Variants in SLC44A3 observed in about 807,000 individuals in gnomAD.
SLC44A3 encodes choline transporter-like protein 3.
Under a neutral mutation model 75.4 loss-of-function variants are expected in SLC44A3, and 74 were observed. That is an observed-to-expected ratio of 0.98 (90% CI 0.81 to 1.19). The LOEUF (loss-of-function observed/expected upper bound fraction) is 1.19, where lower values mean the gene tolerates loss of function less well. Among genes scored for constraint, SLC44A3 ranks in the 50% most tolerant of loss-of-function variants. SLC44A3 has a pLI of 0.00. For missense variants in SLC44A3, 700 were observed against 778.6 expected (o/e 0.90, Z 1.20); for synonymous variants, 310 against 296.9 (o/e 1.04, Z -0.45).
At position 94,891,273 on chromosome 1, in the gene SLC44A3, A is replaced by T. The variant is rs756838767; in HGVS notation, c.1620+6A>T. On this transcript the variant is annotated splice_donor_region_variant and intron_variant, in intron 13 of 14. Transcript: ENST00000271227. ...TCATAATTTTTCTAGGAAAGGTGAG[A>T]TATCTTGACTAAATAAAGGAGCCTG... 8 of 1,600,270 alleles carry T rather than the reference A, an allele frequency of 5.0e-6. No homozygotes were observed. In the African/African-American group the frequency reaches 9.5e-5, roughly 19 times the overall value.
At chr1:94,823,564 C>T (rs548883288) in intron 2 of SLC44A3, among the ~76,000 whole-genome samples, 1 of 152,302 alleles carries the variant, frequency 6.6e-6, no homozygotes, top group South Asian at 2.1e-4. Context: ...CAAGAACACA[C>T]TGGGCACTTG....
At chr1:94,842,402 G>T (rs1384207609) in intron 8 of SLC44A3, among the ~76,000 whole-genome samples, 12 of 152,232 alleles carry the variant, frequency 7.9e-5, no homozygotes, top group African/African-American at 2.4e-4. Context: ...TACAAGGTGG[G>T]CATGGTGGGT....
chr1:94,828,387 G>C (rs993274200), intron 4 of SLC44A3, 106 bp from the exon 5 acceptor site: 8 of 857,300 alleles, frequency 9.3e-6, no homozygotes, highest in Non-Finnish European at 1.5e-5. Context: ...GTCACCCATA[G>C]ACCTTGTAGT....
At chr1:94,827,768 CCT>C in intron 4 of SLC44A3, 125 bp downstream of exon 4, 1 of 1,197,470 alleles carries the variant, frequency 8.4e-7, no homozygotes, top group South Asian at 1.6e-5. Context: ...CTTGTGGGTG[CCT>C]CTTTTTGTGT....
In SLC44A3 at chr1:94,857,809, C is replaced by CTTT. The variant is rs34204401; in HGVS notation, c.1238+329_1238+331dup. The stretch of plus-strand genomic sequence containing the variant: ...GGGGCTGCTCTGCCTATGGAGTAGC[C>CTTT]TTTTTTTTTTTTTTTTTTTTTTGAG... On this transcript the variant is annotated intron_variant, in intron 10 of 14. Coordinates refer to ENST00000271227, the MANE Select transcript of SLC44A3 (RefSeq NM_001114106.3). 1.1e-4 allele frequency among the ~76,000 whole-genome samples: 7 copies of CTTT among 64,004 alleles called. No individual in the cohort carries two copies. In the East Asian group the frequency reaches 2.6e-3, roughly 24 times the overall value. The allele number at this position is 64,004 out of a possible 152,430, so 42.0% of individuals were successfully genotyped here.
intron 9 of SLC44A3, among the ~76,000 whole-genome samples, chr1:94,856,178 G>T (rs1033310874): frequency 6.6e-6 from 1 of 152,188 alleles, no homozygotes; most frequent in Non-Finnish European, 1.5e-5. Context: ...GAAATTTAAT[G>T]ATAGTAATAA....
At chr1:94,860,785 G>A (rs1666477418) in intron 10 of SLC44A3, among the ~76,000 whole-genome samples, 2 of 152,204 alleles carry the variant, frequency 1.3e-5, no homozygotes, top group African/African-American at 4.8e-5. Flanking sequence ...CTTTCTAGCA[G>A]GGATGTTCCC....
intron 12 of SLC44A3, among the ~76,000 whole-genome samples, chr1:94,869,321 G>A (rs1184467082): frequency 2.0e-5 from 3 of 152,222 alleles, no homozygotes; most frequent in East Asian, 1.9e-4. Context: ...TTTAAAAGCT[G>A]TGTCAATGGA....
chr1:94,840,116 G>T, intron 7 of SLC44A3, 79 bp downstream of exon 7: 1 of 1,228,546 alleles, frequency 8.1e-7, no homozygotes, highest in Non-Finnish European at 1.2e-6. Flanking sequence ...TTAAAAGTTG[G>T]CATTTTTAAG....
chr1:94,856,078 G>A lies in SLC44A3; in HGVS notation c.1073-1257G>A, dbSNP rs140638521. 8.5e-5 allele frequency among the ~76,000 whole-genome samples: 13 copies of A among 152,326 alleles called. No individual in the cohort carries two copies. In the East Asian group the frequency reaches 2.5e-3, roughly 29 times the overall value. On this transcript the variant is annotated intron_variant, in intron 9 of 14. Transcript: ENST00000271227. ...CTAATTCAAGGACTTCTTTAGAGGAGAGAAAAGAAAGCAGGGTATAGCCAC... is the reference window on the plus strand; with the variant it reads ...CTAATTCAAGGACTTCTTTAGAGGAAAGAAAAGAAAGCAGGGTATAGCCAC...
At chr1:94,855,943 T>C (rs1340875718) in intron 9 of SLC44A3, among the ~76,000 whole-genome samples, 1 of 152,212 alleles carries the variant, frequency 6.6e-6, no homozygotes, top group Non-Finnish European at 1.5e-5. Flanking sequence ...TGGGAAAAGA[T>C]CTAGAAATCA....
intron 6 of SLC44A3, among the ~76,000 whole-genome samples, chr1:94,838,229 C>T (rs772959176): frequency 1.3e-5 from 2 of 152,198 alleles, no homozygotes; most frequent in Non-Finnish European, 2.9e-5. Flanking sequence ...AACATGCCTC[C>T]ACCTGTAGGT....
chr1:94,854,588 G>A lies in SLC44A3; in HGVS notation c.1073-2747G>A, dbSNP rs558293801. On this transcript the variant is annotated intron_variant, in intron 9 of 14. Coordinates refer to ENST00000271227, the MANE Select transcript of SLC44A3 (RefSeq NM_001114106.3). Reference sequence around the variant, plus strand: ...GCCATCCAGGAGAGGGCAGTCATGTGTGCCTAAGCACGTCTACCCCACCCA... The same window carrying A: ...GCCATCCAGGAGAGGGCAGTCATGTATGCCTAAGCACGTCTACCCCACCCA... 7.2e-4 allele frequency among the ~76,000 whole-genome samples: 110 copies of A among 152,332 alleles called. 1 individual carries two copies. The highest frequency in any genetic ancestry group is 2.6e-3 in the African/African-American group (107 of 41,580).
chr1:94,852,624 A>T (rs1313649743), intron 9 of SLC44A3, among the ~76,000 whole-genome samples: 1 of 152,234 alleles, frequency 6.6e-6, no homozygotes, highest in Admixed American at 6.5e-5. Context: ...TTTAAGCAGA[A>T]TAAAATCTTG....
At chr1:94,833,579 G>C (rs1378683165) in intron 5 of SLC44A3, among the ~76,000 whole-genome samples, 1 of 152,096 alleles carries the variant, frequency 6.6e-6, no homozygotes, top group Admixed American at 6.5e-5. Flanking sequence ...AAATGCCCTG[G>C]GGGCTCTTAA....
At chr1:94,827,685 G>A (rs765064532) in intron 4 of SLC44A3, 42 bp downstream of exon 4, 8 of 1,609,000 alleles carry the variant, frequency 5.0e-6, no homozygotes, top group Non-Finnish European at 6.8e-6. Flanking sequence ...CCATGATGGG[G>A]TAAGCTGTGG....
chr1:94,845,148 A>G (rs1664239555), intron 8 of SLC44A3, 130 bp from the exon 9 acceptor site: 1 of 969,370 alleles, frequency 1.0e-6, no homozygotes, highest in South Asian at 1.8e-5. Flanking sequence ...GTAAAATTAT[A>G]ACAAAGTAGT....
chr1:94,820,403 A>G lies in SLC44A3; in HGVS notation c.-49A>G. ...TCGCGGGCGCTGCGTCTCCGCGTAC[A>G]GGAGGCGGCGGCGGCTCCCAGTCAC... is the stretch of plus-strand genomic sequence containing the variant. On this transcript the variant is annotated 5_prime_UTR_variant, in exon 1 of 15. Coordinates refer to ENST00000271227, the MANE Select transcript of SLC44A3 (RefSeq NM_001114106.3). 4 of 1,439,642 alleles carry G rather than the reference A, an allele frequency of 2.8e-6. No homozygotes were observed. The highest frequency in any genetic ancestry group is 3.6e-6 in the Non-Finnish European group (4 of 1,099,482). 89.2% of individuals were successfully genotyped at this position (1,439,642 alleles called of 1,614,324 possible).
intron 14 of SLC44A3, among the ~76,000 whole-genome samples, chr1:94,893,733 A>G (rs573038758): frequency 6.6e-6 from 1 of 152,280 alleles, no homozygotes; most frequent in East Asian, 1.9e-4. Flanking sequence ...TACTCTAAGG[A>G]AAGTGCTTAT....
Sources: allele counts gnomAD v4.1 joint callset (sites outside exome capture counted in the v4.1 genomes callset), GRCh38; gene constraint gnomAD v4.1.1; transcripts MANE v1.5; gene names NCBI Gene and HGNC (gene_info 2026-07-23, HGNC 2026-07-21).